RARB: variants seen among roughly 807,000 people sequenced by gnomAD.
RARB encodes the protein HBV-activated protein.
Under a neutral mutation model 51.9 loss-of-function variants are expected in RARB, and 17 were observed. The ratio of observed to expected loss-of-function variants is 0.33; its 90% CI spans 0.22 to 0.49. The LOEUF is 0.49. Among genes scored for constraint, RARB ranks in the 20% least tolerant of loss-of-function variants. The pLI, the probability that RARB is intolerant of heterozygous loss-of-function variation, is 0.99. For synonymous variants in RARB, 215 were observed against 195.4 expected (o/e 1.10, Z -0.84); for missense variants, 369 against 550.8 (o/e 0.67, Z 3.30).
intron 1 of RARB, among the ~76,000 whole-genome samples, chr3:25,437,757 CA>C (rs1027777025): frequency 5.9e-5 from 9 of 152,186 alleles, no homozygotes; most frequent in African/African-American, 2.2e-4. Flanking sequence ...AAGTAGTTCA[CA>C]AAGGAGTTCT....
intron 5 of RARB, among the ~76,000 whole-genome samples, chr3:25,320,388 C>G (rs749171490): frequency 2.0e-5 from 3 of 152,168 alleles, no homozygotes; most frequent in Non-Finnish European, 2.9e-5. Flanking sequence ...GATTGAAACT[C>G]TGGCTGATCG....
chr3:25,206,287 T>G, intron 5 of RARB, among the ~76,000 whole-genome samples: 1 of 152,352 alleles, frequency 6.6e-6, no homozygotes, highest in Middle Eastern at 3.4e-3. Flanking sequence ...TACATAAATT[T>G]GATATTTTTA....
intron 3 of RARB, among the ~76,000 whole-genome samples, chr3:25,507,192 A>G (rs529439192): frequency 6.6e-6 from 1 of 152,350 alleles, no homozygotes; most frequent in South Asian, 2.1e-4. Flanking sequence ...GGCATGCATC[A>G]TGTCTTTCTC....
chr3:25,541,857 C>T (rs1261865972), intron 3 of RARB, among the ~76,000 whole-genome samples: 1 of 152,238 alleles, frequency 6.6e-6, no homozygotes, highest in East Asian at 1.9e-4. Context: ...CTGAGCCCCT[C>T]TGTGGTCACC....
intron 5 of RARB, among the ~76,000 whole-genome samples, chr3:25,246,097 T>A (rs962745500): frequency 6.6e-5 from 10 of 152,008 alleles, no homozygotes; most frequent in African/African-American, 2.2e-4. Context: ...TCCTGTCTTA[T>A]GCTTGATCGA....
At chr3:25,276,824 T>C (rs537950947) in intron 5 of RARB, among the ~76,000 whole-genome samples, 2 of 152,348 alleles carry the variant, frequency 1.3e-5, no homozygotes, top group African/African-American at 4.8e-5. Flanking sequence ...ATAAGACTGG[T>C]TGACAGGTCT....
chr3:25,187,645 T>C (rs1701008627), intron 5 of RARB, among the ~76,000 whole-genome samples: 1 of 152,052 alleles, frequency 6.6e-6, no homozygotes, highest in East Asian at 1.9e-4. Context: ...TAAAAAGAAA[T>C]GCAAATGAAG....
chr3:25,210,529 C>CTTTTTTTTTTTTTTTTTATT (rs1701668267), intron 5 of RARB, among the ~76,000 whole-genome samples: 2 of 27,634 alleles, frequency 7.2e-5, no homozygotes, highest in African/African-American at 9.1e-5. Flanking sequence ...TTATCTGATT[C>CTTTTTTTTTTTTTTTTTATT]TTTTTTTTTT....
At chr3:25,188,785 A>G (rs988474508) in intron 5 of RARB, among the ~76,000 whole-genome samples, 7 of 152,066 alleles carry the variant, frequency 4.6e-5, no homozygotes, top group Admixed American at 1.3e-4. Context: ...TCTTGAATTC[A>G]TTTACTTATA....
chr3:24,878,364 T>A (rs1427337482), intron 2 of RARB, among the ~76,000 whole-genome samples: 1 of 147,722 alleles, frequency 6.8e-6, no homozygotes, highest in East Asian at 1.9e-4. Context: ...AAGTTGTGAT[T>A]TTTTTTTTCC....
intron 5 of RARB, among the ~76,000 whole-genome samples, chr3:25,420,890 A>G (rs1427879289): frequency 1.3e-5 from 2 of 152,052 alleles, no homozygotes; most frequent in East Asian, 1.9e-4. Context: ...TGATAACACA[A>G]GATAGATTAA....
chr3:25,340,997 G>A (rs949208128), intron 5 of RARB, among the ~76,000 whole-genome samples: 3 of 152,172 alleles, frequency 2.0e-5, no homozygotes, highest in African/African-American at 7.2e-5. Context: ...CCTAGGTGCT[G>A]AATTGTGAGC....
chr3:24,885,609 A>G (rs1240239615), intron 2 of RARB, among the ~76,000 whole-genome samples: 1 of 152,164 alleles, frequency 6.6e-6, no homozygotes, highest in Non-Finnish European at 1.5e-5. Flanking sequence ...TTTTATGAAG[A>G]ATACCTGGGA....
chr3:25,491,040 C>T (rs1212736893), intron 2 of RARB, among the ~76,000 whole-genome samples: 1 of 152,150 alleles, frequency 6.6e-6, no homozygotes, highest in African/African-American at 2.4e-5. Context: ...GATATTTAGC[C>T]TACTGCACAG....
At chr3:24,861,594 T>TAA (rs3057186) in intron 2 of RARB, among the ~76,000 whole-genome samples, 17 of 137,886 alleles carry the variant, frequency 1.2e-4, no homozygotes, top group South Asian at 7.1e-4. Context: ...TAACTTGTTA[T>TAA]AAAAAAAAAA....
intron 4 of RARB, among the ~76,000 whole-genome samples, chr3:25,170,996 C>T (rs1256106744): frequency 1.3e-5 from 2 of 151,592 alleles, no homozygotes; most frequent in African/African-American, 4.9e-5. Flanking sequence ...ACTATACCGA[C>T]AATTATTATT....
intron 2 of RARB, among the ~76,000 whole-genome samples, chr3:24,945,433 T>G (rs762623698): frequency 6.6e-6 from 1 of 152,158 alleles, no homozygotes. Flanking sequence ...CTGTGAGACA[T>G]AAGTGATAGC....
chr3:25,339,266 C>T (rs945174846), intron 5 of RARB, among the ~76,000 whole-genome samples: 1 of 152,178 alleles, frequency 6.6e-6, no homozygotes, highest in African/African-American at 2.4e-5. Flanking sequence ...GAAGGTTTCT[C>T]TGTACATCGT....
intron 5 of RARB, among the ~76,000 whole-genome samples, chr3:25,223,900 G>A (rs1320002801): frequency 6.6e-6 from 1 of 152,068 alleles, no homozygotes; most frequent in African/African-American, 2.4e-5. Flanking sequence ...AACCAACTTA[G>A]TACATTTACT....
Sources: gnomAD v4.1 joint callset for allele counts (sites outside exome capture counted in the v4.1 genomes callset) on GRCh38, gnomAD v4.1.1 for gene constraint, MANE v1.5 for transcripts, NCBI Gene and HGNC (gene_info 2026-07-23, HGNC 2026-07-21) for gene names.